SHQ1: variants seen among roughly 807,000 people sequenced by gnomAD.
SHQ1 encodes protein SHQ1 homolog.
A neutral mutation model predicts 53.8 loss-of-function variants in SHQ1; 49 were observed. The ratio of observed to expected loss-of-function variants is 0.91; its 90% CI spans 0.72 to 1.16. The LOEUF (loss-of-function observed/expected upper bound fraction) is 1.16. SHQ1 is among the 50% of genes most tolerant of loss of function. The probability of loss-of-function intolerance (pLI) is 0.00; values close to 1 mark genes in which losing one functional copy is unlikely to be tolerated. For synonymous variants in SHQ1, 243 were observed against 251.0 expected (o/e 0.97, Z 0.30); for missense variants, 738 against 683.1 (o/e 1.08, Z -0.90).
chr3:72,811,038 T>A (rs556765149), intron 9 of SHQ1, among the ~76,000 whole-genome samples: 1 of 152,356 alleles, frequency 6.6e-6, no homozygotes, highest in Admixed American at 6.5e-5. Flanking sequence ...AACTGGGTAA[T>A]TGATTCCTGT....
At chr3:72,803,235 T>C (rs1327224431) in intron 9 of SHQ1, among the ~76,000 whole-genome samples, 8 of 152,234 alleles carry the variant, frequency 5.3e-5, no homozygotes, top group Admixed American at 5.2e-4. Flanking sequence ...TTAAAAAAAT[T>C]TTAAAGATCA....
At chr3:72,847,839 G>C (rs1708396136) in intron 1 of SHQ1, among the ~76,000 whole-genome samples, 3 of 152,160 alleles carry the variant, frequency 2.0e-5, no homozygotes, top group Admixed American at 2.0e-4. Context: ...TTCCCAGGAA[G>C]GGAGAGACTG....
chr3:72,781,051 C>CTCTTTTTTTTTT (rs1364498058), intron 10 of SHQ1, among the ~76,000 whole-genome samples: 1 of 149,498 alleles, frequency 6.7e-6, no homozygotes, highest in Admixed American at 6.7e-5. Flanking sequence ...CAATTTTCTT[C>CTCTTTTTTTTTT]TCTTTTTTTT....
rs763434951 is a variant in SHQ1, at chr3:72,841,061, A to C, written c.470T>G (p.Val157Gly). ...HYGFGNLRSG[V>G]LQRLQDELSD... is the part of the protein sequence containing the mutation. ...ACAACATACCTGTAACCGTTGCAAC[A>C]CTCCTGATCGTAAGTTTCCAAATCC... The change falls in exon 4 of 11, where the codon GTG (valine) becomes GGG (glycine). Residue 157 changes from valine to glycine, a missense_variant. Transcript: ENST00000325599. The C allele has an allele frequency of 1.2e-6, 2 of 1,612,834 alleles. No individual in the cohort carries two copies. Among genetic ancestry groups the C allele is most frequent in the Admixed American group, 1.7e-5 (1 of 59,674 alleles).
chr3:72,793,187 C>T, intron 9 of SHQ1, 151 bp from the exon 10 acceptor site: 1 of 605,568 alleles, frequency 1.7e-6, no homozygotes, highest in East Asian at 3.1e-5. Context: ...TAGGTCCAAA[C>T]CCCTTTACTG....
chr3:72,765,967 C>T (rs1246531611), intron 10 of SHQ1, among the ~76,000 whole-genome samples: 1 of 152,056 alleles, frequency 6.6e-6, no homozygotes, highest in Non-Finnish European at 1.5e-5. Flanking sequence ...AAAATAATAA[C>T]AGATCATAAA....
Position 72,765,547 on chromosome 3 carries a change from ATATATATATATTTTTTTT to A in SHQ1, c.1182-14729_1182-14712del, listed in dbSNP as rs1272051129. On this transcript the variant is annotated intron_variant, in intron 10 of 10. Transcript: ENST00000325599. ...TCACATGACATATATATATATATAT[ATATATATATATTTTTTTT>A]TTTTTTTTGAGACAGTCTCACTCTG... Among the ~76,000 whole-genome samples, 5 of 95,290 alleles carry A rather than the reference ATATATATATATTTTTTTT, an allele frequency of 5.2e-5. 1 individual carries two copies. The highest frequency in any genetic ancestry group is 2.1e-4 in the African/African-American group (3 of 14,352). The allele number at this position is 95,290 out of a possible 152,430, so 62.5% of individuals were successfully genotyped here.
intron 10 of SHQ1, among the ~76,000 whole-genome samples, chr3:72,751,663 A>C (rs1321503881): frequency 6.6e-6 from 1 of 151,836 alleles, no homozygotes; most frequent in Non-Finnish European, 1.5e-5. Flanking sequence ...GTAACTCTTA[A>C]ATATATTAGA....
intron 4 of SHQ1, among the ~76,000 whole-genome samples, chr3:72,834,034 T>C (rs114152540): frequency 0.016 from 2,409 of 152,332 alleles, 52 homozygotes; most frequent in African/African-American, 0.054. Flanking sequence ...TTGATGGCTG[T>C]AATGCAAAAA....
rs779814791 is a variant in SHQ1, at chr3:72,824,529, C to T, written c.622G>A (p.Ala208Thr). ...HYLADFFEDE[A>T]IEQILKYNPW... ...TTATACTTCAAAATCTGTTCAATCG[C>T]CTCATCTTCAAAAAAGTCAGCTCTA... Residue 208 changes from alanine (A) to threonine (T), a missense_variant, in exon 6 of 11, where the codon GCG becomes ACG. By Grantham distance (58) the Ala-to-Thr change is moderately conservative. Coordinates refer to ENST00000325599, the MANE Select transcript of SHQ1 (RefSeq NM_018130.3). 4 of 1,608,858 alleles carry T rather than the reference C, an allele frequency of 2.5e-6. No homozygotes were observed. The highest frequency in any genetic ancestry group is 3.4e-6 in the Non-Finnish European group (4 of 1,178,398).
At chr3:72,824,366 A>C in intron 6 of SHQ1, 58 bp downstream of exon 6, 1 of 1,589,060 alleles carries the variant, frequency 6.3e-7, no homozygotes. Flanking sequence ...AAGGCAGTAA[A>C]CGTGGTACAC....
At chr3:72,793,247 C>A (rs1392709480) in intron 9 of SHQ1, 1 of 391,040 alleles carries the variant, frequency 2.6e-6, no homozygotes, top group Non-Finnish European at 4.6e-6. Context: ...GTGGCTCACA[C>A]CTGTAATTCC....
At chr3:72,744,357 A>C (rs1045742391), downstream of SHQ1, among the ~76,000 whole-genome samples, 2 of 152,222 alleles carry the variant, frequency 1.3e-5, no homozygotes, top group South Asian at 2.1e-4. Flanking sequence ...GAGGGAAAAG[A>C]AGCAAGACCC....
chr3:72,803,879 G>A (rs1706863275), intron 9 of SHQ1, among the ~76,000 whole-genome samples: 2 of 152,060 alleles, frequency 1.3e-5, no homozygotes, highest in South Asian at 4.1e-4. Context: ...GGCAATACAA[G>A]ATGGATTTGG....
intron 10 of SHQ1, among the ~76,000 whole-genome samples, chr3:72,787,721 C>T (rs1447813152): frequency 6.6e-6 from 1 of 152,082 alleles, no homozygotes; most frequent in African/African-American, 2.4e-5. Flanking sequence ...CCCCCTCCCC[C>T]TCCCTCTCCC....
chr3:72,747,057 GTACAAACATTCACAACC>G (rs1304188678), downstream of SHQ1, among the ~76,000 whole-genome samples: 2 of 152,170 alleles, frequency 1.3e-5, no homozygotes, highest in Non-Finnish European at 2.9e-5. Flanking sequence ...ACCTGGAAAA[GTACAAACATTCACAACC>G]TTCACAAACC....
At position 72,824,569 on chromosome 3, in the gene SHQ1, A is replaced by T; in HGVS notation, c.600-18T>A. On this transcript the variant is annotated intron_variant, in intron 5 of 10. Transcript: ENST00000325599. ...AGTCAGCTCTAGGAAAAAACATTGA[A>T]AGAACTTACTATACAGGATTTCACT... 1 of 1,604,014 alleles carries T rather than the reference A, an allele frequency of 6.2e-7. No homozygotes were observed. Among genetic ancestry groups the T allele is most frequent in the Middle Eastern group, 1.7e-4 (1 of 6,038 alleles).
the SHQ1 span, among the ~76,000 whole-genome samples, chr3:72,735,011 G>C: frequency 6.6e-6 from 1 of 151,614 alleles, no homozygotes; most frequent in South Asian, 2.1e-4. Flanking sequence ...AAGGAATTCA[G>C]TATGTGTTCC....
At chr3:72,747,861 T>C (rs895064301), downstream of SHQ1, among the ~76,000 whole-genome samples, 4 of 151,574 alleles carry the variant, frequency 2.6e-5, 1 homozygote, top group African/African-American at 2.4e-5. Context: ...TGGTGGTGCA[T>C]GCCTGTAATC....
Sources: allele counts gnomAD v4.1 joint callset (sites outside exome capture counted in the v4.1 genomes callset), GRCh38; gene constraint gnomAD v4.1.1; transcripts MANE v1.5; gene names NCBI Gene and HGNC (gene_info 2026-07-23, HGNC 2026-07-21).